Variants in ARHGEF4 observed in about 807,000 individuals in gnomAD.
ARHGEF4 encodes APC-stimulated guanine nucleotide exchange factor 1.
Under a neutral mutation model 162.0 loss-of-function variants are expected in ARHGEF4, and 119 were observed. The ratio of observed to expected loss-of-function variants is 0.73; its 90% CI spans 0.63 to 0.86. The LOEUF (loss-of-function observed/expected upper bound fraction) is 0.86, where lower values mean the gene tolerates loss of function less well. Ranked by LOEUF, ARHGEF4 falls within the 40% of genes least tolerant of loss-of-function variation. ARHGEF4 has a pLI of 0.00. For synonymous variants in ARHGEF4, 1,014 were observed against 979.9 expected, an observed-to-expected ratio of 1.03 and a Z score of -0.65; for missense variants, 2,488 against 2,456.0, an observed-to-expected ratio of 1.01 and a Z score of -0.28.
chr2:130,977,679 C>T (rs1048782634), intron 4 of ARHGEF4, among the ~76,000 whole-genome samples: 18 of 150,944 alleles, frequency 1.2e-4, no homozygotes, highest in Admixed American at 2.6e-4. Flanking sequence ...TGTGTGTGTG[C>T]GCTGTGTGCA....
chr2:130,995,822 T>G lies in ARHGEF4; in HGVS notation c.3986-32123T>G, dbSNP rs115229456. On this transcript the variant is annotated intron_variant, in intron 4 of 13. Coordinates refer to ENST00000409359, the MANE Select transcript of ARHGEF4 (RefSeq NM_001367493.1). ...AAAGTGAGATCTCCACTGTCACCCC[T>G]TGGGGCACTCTTGCATCCAGTTGCT... Among the ~76,000 whole-genome samples, 818 of 152,052 alleles carry G rather than the reference T, an allele frequency of 5.4e-3. 6 individuals are homozygous for G. The highest frequency in any genetic ancestry group is 0.018 in the African/African-American group (750 of 41,472).
In ARHGEF4 at chr2:130,917,417, G is replaced by A. The variant is rs1681567768; in HGVS notation, c.3471G>A (p.Gln1157=). ...TGCAGACGCTAAACCAAGATGAGCA[G>A]AAGGAAGAGAGCAGGGAAGGAGGCC... ...LSLQTLNQDE[Q]KEESREGGQG... The change falls in exon 2 of 14, where the codon CAG becomes CAA. Residue 1157 remains glutamine, a synonymous_variant. Transcript: ENST00000409359. 2 of 1,550,664 alleles carry A rather than the reference G, an allele frequency of 1.3e-6. No homozygotes were observed. The highest frequency in any genetic ancestry group is 1.4e-5 in the African/African-American group (1 of 73,176).
intron 1 of ARHGEF4, among the ~76,000 whole-genome samples, chr2:130,875,873 C>G (rs747005526): frequency 1.1e-4 from 17 of 152,222 alleles, no homozygotes; most frequent in Non-Finnish European, 2.1e-4. Context: ...CTAGTTATGT[C>G]TCCATATGGA....
intron 1 of ARHGEF4, among the ~76,000 whole-genome samples, chr2:130,871,344 T>C (rs934694928): frequency 5.3e-5 from 8 of 152,118 alleles, no homozygotes; most frequent in African/African-American, 1.7e-4. Context: ...GAGACTAGCC[T>C]GGCCAACATG....
chr2:130,987,262 C>T (rs1686579295), intron 4 of ARHGEF4, among the ~76,000 whole-genome samples: 1 of 152,222 alleles, frequency 6.6e-6, no homozygotes. Flanking sequence ...GTGCTAGAGA[C>T]AGTGGTGGAC....
intron 4 of ARHGEF4, among the ~76,000 whole-genome samples, chr2:130,953,613 A>G (rs1684088814): frequency 6.6e-6 from 1 of 152,228 alleles, no homozygotes; most frequent in Non-Finnish European, 1.5e-5. Context: ...ATTAGAGTGA[A>G]CAGACAACCT....
intron 1 of ARHGEF4, among the ~76,000 whole-genome samples, chr2:130,868,439 T>C (rs1682455470): frequency 6.8e-6 from 1 of 146,142 alleles, no homozygotes; most frequent in Non-Finnish European, 1.5e-5. Flanking sequence ...CCTGGCTGAC[T>C]CTTGGCTGGG....
At chr2:130,997,298 A>C (rs1230660755) in intron 4 of ARHGEF4, among the ~76,000 whole-genome samples, 1 of 152,198 alleles carries the variant, frequency 6.6e-6, no homozygotes, top group African/African-American at 2.4e-5. Flanking sequence ...TTGCTGGTGT[A>C]ATTTAAAAAA....
chr2:130,998,459 C>T (rs897342740), intron 4 of ARHGEF4, among the ~76,000 whole-genome samples: 17 of 152,192 alleles, frequency 1.1e-4, no homozygotes, highest in Non-Finnish European at 2.1e-4. Flanking sequence ...TAATGATCCC[C>T]TGCACTCCAC....
chr2:130,988,937 A>AGAGAGAG (rs1553437079), intron 4 of ARHGEF4, among the ~76,000 whole-genome samples: 6 of 104,534 alleles, frequency 5.7e-5, no homozygotes, highest in African/African-American at 1.6e-4. Context: ...GAGAGAGAGA[A>AGAGAGAG]AGATTCCAAA....
chr2:130,949,587 C>T (rs1228391512), intron 4 of ARHGEF4, among the ~76,000 whole-genome samples: 1 of 152,068 alleles, frequency 6.6e-6, no homozygotes, highest in Non-Finnish European at 1.5e-5. Flanking sequence ...ATCTCCTGAC[C>T]TCGTGATCCG....
chr2:130,885,194 G>A lies in ARHGEF4; in HGVS notation c.40-28792G>A, dbSNP rs566862895. Among the ~76,000 whole-genome samples, 3 of 152,164 alleles carry A rather than the reference G, an allele frequency of 2.0e-5. No homozygotes were observed. The South Asian group carries it at 6.2e-4, about 32-fold the overall frequency. On this transcript the variant is annotated intron_variant, in intron 1 of 13. Transcript: ENST00000409359. ...CATATGTCAGATGTTTGAAGGCACT[G>A]TAATCATGTTTACTTGTGCATTACA...
At chr2:130,977,375 G>A (rs529336052) in intron 4 of ARHGEF4, among the ~76,000 whole-genome samples, 22 of 151,746 alleles carry the variant, frequency 1.4e-4, no homozygotes, top group East Asian at 7.7e-4. Flanking sequence ...ATTGTGTTGC[G>A]TATGTTGTGT....
chr2:130,866,876 T>C (rs1335517456), intron 1 of ARHGEF4, among the ~76,000 whole-genome samples: 1 of 152,210 alleles, frequency 6.6e-6, no homozygotes, highest in Non-Finnish European at 1.5e-5. Flanking sequence ...AATGCTGGCC[T>C]CCTGGGATGA....
Position 130,916,158 on chromosome 2 carries a change from C to A in ARHGEF4, c.2212C>A (p.Arg738Ser). The A allele has an allele frequency of 1.9e-6, 3 of 1,548,964 alleles. No individual in the cohort carries two copies. Among genetic ancestry groups the A allele is most frequent in the Non-Finnish European group, 2.6e-6 (3 of 1,146,820 alleles). ...STEEPPGERL[R>S]GESRSSGSGE... ...AGAGGAGCCCCCGGGAGAGAGACTG[C>A]GTGGGGAGAGCCGGAGCTCCGGGTC... Residue 738 changes from arginine (R) to serine (S), a missense_variant, in exon 2 of 14, where the codon CGT becomes AGT. Physicochemically the swap from Arg to Ser is moderately radical, Grantham distance 110 (BLOSUM62 -1). Around this residue, in one of 6 missense-constraint regions of ARHGEF4, gnomAD observed 1,642 missense variants for 1,481.5 expected, o/e 1.11. Coordinates refer to ENST00000409359, the MANE Select transcript of ARHGEF4 (RefSeq NM_001367493.1).
chr2:131,012,394 A>G (rs1467372972), intron 4 of ARHGEF4, among the ~76,000 whole-genome samples: 1 of 152,186 alleles, frequency 6.6e-6, no homozygotes, highest in African/African-American at 2.4e-5. Context: ...AAGCCTTTAC[A>G]ATGACTACAG....
intron 4 of ARHGEF4, among the ~76,000 whole-genome samples, chr2:130,963,235 G>T (rs973510121): frequency 6.6e-6 from 1 of 152,150 alleles, no homozygotes; most frequent in Non-Finnish European, 1.5e-5. Flanking sequence ...TCACCACAGG[G>T]TGTGTCCTGC....
chr2:131,035,718 G>T, intron 5 of ARHGEF4: 1 of 985,550 alleles, frequency 1.0e-6, no homozygotes, highest in Non-Finnish European at 1.2e-6. Flanking sequence ...TAAAATACGT[G>T]GTGTCAGTCT....
intron 4 of ARHGEF4, among the ~76,000 whole-genome samples, chr2:130,955,819 C>G (rs1039700027): frequency 3.9e-5 from 6 of 152,192 alleles, no homozygotes; most frequent in African/African-American, 1.4e-4. Context: ...AGTGGGGTTA[C>G]AGTCCAGGCT....
Sources: gnomAD v4.1 joint callset for allele counts (sites outside exome capture counted in the v4.1 genomes callset) on GRCh38, gnomAD v4.1.1 for gene constraint, gnomAD v4.1.1 regional missense constraint, MANE v1.5 for transcripts, NCBI Gene and HGNC (gene_info 2026-07-23, HGNC 2026-07-21) for gene names.